SPRED1: variants seen among roughly 807,000 people sequenced by gnomAD.
SPRED1 encodes the protein sprouty-related, EVH1 domain-containing protein 1.
In SPRED1, 18 loss-of-function variants were observed where a neutral mutation model predicts 52.3. That is an observed-to-expected ratio of 0.34 (90% CI 0.24 to 0.51). The LOEUF is 0.51. SPRED1 is among the 20% of genes least tolerant of loss of function. The pLI is 0.97. For missense variants in SPRED1, 485 were observed against 551.0 expected, an observed-to-expected ratio of 0.88 and a Z score of 1.20; for synonymous variants, 155 against 179.7, an observed-to-expected ratio of 0.86 and a Z score of 1.10.
chr15:38,351,854 G>A lies in SPRED1; in HGVS notation c.*190G>A, dbSNP rs377091058. On this transcript the variant is annotated 3_prime_UTR_variant, in exon 7 of 7. Coordinates refer to ENST00000299084, the MANE Select transcript of SPRED1 (RefSeq NM_152594.3). ...AACTTTTCCCTTGAGTGCATGGCAT[G>A]TTTTGTTACAGGTTGTAGAGTATTT... 2.2e-4 allele frequency: 148 copies of A among 672,180 alleles called. No individual in the cohort carries two copies. In the African/African-American group the frequency reaches 2.3e-3, roughly 10 times the overall value. The allele number at this position is 672,180 out of a possible 1,614,324, so 41.6% of individuals were successfully genotyped here. A position where few individuals can be genotyped will look rare whatever the true frequency, so the allele number is the denominator to read the frequency against.
intron 6 of SPRED1, 76 bp downstream of exon 6, chr15:38,349,599 A>G (rs1888438377): frequency 1.0e-6 from 1 of 991,946 alleles, no homozygotes; most frequent in African/African-American, 1.6e-5. Flanking sequence ...AGTCTTTCTA[A>G]TTCTCCATAT....
intron 1 of SPRED1, among the ~76,000 whole-genome samples, chr15:38,254,158 A>G (rs1254429550): frequency 4.6e-5 from 7 of 152,196 alleles, no homozygotes; most frequent in Admixed American, 4.6e-4. Context: ...TTTTCTTGTA[A>G]TTAAGTTCAA....
intron 1 of SPRED1, among the ~76,000 whole-genome samples, chr15:38,279,956 T>G (rs1894652705): frequency 6.6e-6 from 1 of 152,108 alleles, no homozygotes; most frequent in African/African-American, 2.4e-5. Flanking sequence ...TAGATGAGGG[T>G]GCTACATCTT....
At chr15:38,341,234 A>C (rs4924236) in intron 5 of SPRED1, among the ~76,000 whole-genome samples, 138,891 of 151,858 alleles carry the variant, frequency 0.91, 64,796 homozygotes, top group East Asian at 1. Flanking sequence ...AGGGGTTGAT[A>C]AATTTTAGCC....
At chr15:38,282,368 G>A (rs12441678) in intron 1 of SPRED1, among the ~76,000 whole-genome samples, 13,770 of 151,706 alleles carry the variant, frequency 0.091, 757 homozygotes, top group East Asian at 0.21. Context: ...TTAACCTGGC[G>A]TGGTGGCAGG....
chr15:38,275,750 C>T (rs980907049), intron 1 of SPRED1, among the ~76,000 whole-genome samples: 60 of 152,316 alleles, frequency 3.9e-4, no homozygotes, highest in African/African-American at 1.4e-3. Context: ...CCCACCCCGG[C>T]CTCCCAAAGT....
rs532898397 is a variant in SPRED1, at chr15:38,321,032, G to C, written c.208-1209G>C. On this transcript the variant is annotated intron_variant, in intron 2 of 6. Transcript: ENST00000299084. ...TATGGAACATGGTCTATAGATTAAA[G>C]TTCTGTGTTGGTTTTAAATTTCCTG... 8.5e-5 allele frequency among the ~76,000 whole-genome samples: 13 copies of C among 152,222 alleles called. No individual in the cohort carries two copies. The East Asian group carries it at 1.4e-3, about 16-fold the overall frequency.
At chr15:38,257,135 C>T (rs1367799512) in intron 1 of SPRED1, among the ~76,000 whole-genome samples, 2 of 152,240 alleles carry the variant, frequency 1.3e-5, no homozygotes, top group East Asian at 3.9e-4. Flanking sequence ...CCCCAAAAGA[C>T]CTTCTCTCTT....
chr15:38,331,480 T>C (rs1048275794), intron 4 of SPRED1, among the ~76,000 whole-genome samples: 1 of 152,160 alleles, frequency 6.6e-6, no homozygotes, highest in African/African-American at 2.4e-5. Flanking sequence ...GTCTGAACAC[T>C]TTATGCTCAA....
chr15:38,269,271 C>G (rs143137320), intron 1 of SPRED1, among the ~76,000 whole-genome samples: 1 of 151,840 alleles, frequency 6.6e-6, no homozygotes, highest in Non-Finnish European at 1.5e-5. Flanking sequence ...GAGACAGTGT[C>G]TCTCACTTTG....
chr15:38,300,842 G>C (rs1438668317), intron 2 of SPRED1, among the ~76,000 whole-genome samples: 1 of 152,068 alleles, frequency 6.6e-6, no homozygotes, highest in Non-Finnish European at 1.5e-5. Flanking sequence ...GCTTTTTTAA[G>C]CCTGGAGACA....
chr15:38,267,857 A>G (rs764956453), intron 1 of SPRED1, among the ~76,000 whole-genome samples: 1 of 152,220 alleles, frequency 6.6e-6, no homozygotes, highest in Admixed American at 6.5e-5. Flanking sequence ...CACATTCTGC[A>G]TTTTGACACT....
chr15:38,324,074 T>C (rs1895659867), intron 3 of SPRED1, among the ~76,000 whole-genome samples: 1 of 152,152 alleles, frequency 6.6e-6, no homozygotes, highest in Non-Finnish European at 1.5e-5. Flanking sequence ...CTCGACCTTC[T>C]GTGACAAAAA....
chr15:38,308,261 C>T (rs1348325180), intron 2 of SPRED1, among the ~76,000 whole-genome samples: 1 of 152,174 alleles, frequency 6.6e-6, no homozygotes, highest in Non-Finnish European at 1.5e-5. Context: ...GCTGTGTACA[C>T]TCTAACCTGT....
chr15:38,331,937 A>G (rs1047708275), intron 4 of SPRED1, among the ~76,000 whole-genome samples: 1 of 152,214 alleles, frequency 6.6e-6, no homozygotes, highest in Non-Finnish European at 1.5e-5. Flanking sequence ...TACAATGCAT[A>G]TAACAAAATT....
intron 1 of SPRED1, among the ~76,000 whole-genome samples, chr15:38,277,735 G>C (rs11073307): frequency 0.83 from 125,608 of 152,188 alleles, 52,598 homozygotes; most frequent in Non-Finnish European, 0.9. Flanking sequence ...CCCATGAGCA[G>C]TGTATAAGCA....
At chr15:38,300,687 A>G (rs967407312) in intron 2 of SPRED1, among the ~76,000 whole-genome samples, 23 of 152,322 alleles carry the variant, frequency 1.5e-4, no homozygotes, top group South Asian at 1.0e-3. Flanking sequence ...TACACATTGT[A>G]TAATGTGTCT....
intron 4 of SPRED1, among the ~76,000 whole-genome samples, chr15:38,332,860 T>C (rs1004657224): frequency 6.6e-6 from 1 of 152,188 alleles, no homozygotes; most frequent in Non-Finnish European, 1.5e-5. Flanking sequence ...GTCACCATTC[T>C]TGAGTCTCAG....
intron 1 of SPRED1, among the ~76,000 whole-genome samples, chr15:38,274,537 A>G (rs1251558580): frequency 1.3e-5 from 2 of 152,364 alleles, no homozygotes; most frequent in East Asian, 1.9e-4. Flanking sequence ...AAGAATGCAC[A>G]TATCCTTCAG....
Sources: gnomAD v4.1 joint callset for allele counts (sites outside exome capture counted in the v4.1 genomes callset) on GRCh38, gnomAD v4.1.1 for gene constraint, MANE v1.5 for transcripts, NCBI Gene and HGNC (gene_info 2026-07-23, HGNC 2026-07-21) for gene names.